PLCZ1: variants seen among roughly 807,000 people sequenced by gnomAD.
The protein encoded by PLCZ1 is 1-phosphatidylinositol 4,5-bisphosphate phosphodiesterase zeta-1.
Under a neutral mutation model 76.8 loss-of-function variants are expected in PLCZ1, and 64 were observed. The ratio of observed to expected loss-of-function variants is 0.83; its 90% CI spans 0.68 to 1.03. PLCZ1 has a LOEUF of 1.03. Ranked by LOEUF, PLCZ1 falls within the 50% of genes least tolerant of loss-of-function variation. The pLI is 0.00. For missense variants in PLCZ1, 751 were observed against 713.7 expected (o/e 1.05, Z -0.60); for synonymous variants, 248 against 230.8 (o/e 1.07, Z -0.68).
chr12:18,683,236 C>G lies in PLCZ1; in HGVS notation c.*3G>C. ...CTAATGATATGTCATTTATCATTAG[C>G]TGTTATCTGACGTACCAAACATAAA... On this transcript the variant is annotated 3_prime_UTR_variant, in exon 15 of 15. Coordinates refer to ENST00000266505, the MANE Select transcript of PLCZ1 (RefSeq NM_033123.4). 6.2e-7 allele frequency: 1 copy of G among 1,611,180 alleles called. No homozygotes were observed. The highest frequency in any genetic ancestry group is 1.1e-5 in the South Asian group (1 of 91,030).
At chr12:18,652,996 C>A in the PLCZ1 span, among the ~76,000 whole-genome samples, 1 of 152,004 alleles carries the variant, frequency 6.6e-6, no homozygotes, top group Admixed American at 6.6e-5. Context: ...GAGCTGGAAT[C>A]TTTGGACACA....
chr12:18,718,605 G>A (rs1475540378), intron 5 of PLCZ1, among the ~76,000 whole-genome samples: 1 of 151,854 alleles, frequency 6.6e-6, no homozygotes, highest in Non-Finnish European at 1.5e-5. Context: ...TGTTTCTAAG[G>A]CTTCCTGTAT....
intron 6 of PLCZ1, among the ~76,000 whole-genome samples, chr12:18,711,529 T>TATAATAATA (rs71440375): frequency 0.025 from 3,546 of 142,424 alleles, 48 homozygotes; most frequent in South Asian, 0.031. Flanking sequence ...AAACTTAAAG[T>TATAATAATA]ATAATAATAA....
chr12:18,683,726 C>T, intron 14 of PLCZ1: 1 of 881,792 alleles, frequency 1.1e-6, no homozygotes, highest in Non-Finnish European at 1.6e-6. Context: ...GTAGTCAGCC[C>T]TGAAAAGGGG....
downstream of PLCZ1, among the ~76,000 whole-genome samples, chr12:18,681,910 T>C (rs1952452694): frequency 6.6e-6 from 1 of 152,012 alleles, no homozygotes; most frequent in African/African-American, 2.4e-5. Context: ...TTTCATGGAA[T>C]TCCAGATCTT....
intron 3 of PLCZ1, among the ~76,000 whole-genome samples, chr12:18,727,958 T>C (rs1276467904): frequency 6.6e-6 from 1 of 152,062 alleles, no homozygotes; most frequent in Non-Finnish European, 1.5e-5. Context: ...CCTAAAAAGA[T>C]AGGGTCAGAA....
intron 5 of PLCZ1, among the ~76,000 whole-genome samples, chr12:18,716,267 G>C (rs1042179551): frequency 2.6e-5 from 4 of 151,942 alleles, no homozygotes; most frequent in Admixed American, 6.6e-5. Flanking sequence ...AAACCACCAA[G>C]AACTATATTG....
At chr12:18,658,510 G>T in the PLCZ1 span, among the ~76,000 whole-genome samples, 2 of 151,982 alleles carry the variant, frequency 1.3e-5, no homozygotes, top group African/African-American at 4.8e-5. Context: ...AGACCATGGA[G>T]GCCAGACATA....
At chr12:18,650,664 A>ATG in the PLCZ1 span, among the ~76,000 whole-genome samples, 2,889 of 35,372 alleles carry the variant, frequency 0.082, 92 homozygotes, top group Non-Finnish European at 0.13. Flanking sequence ...TGGAATATAA[A>ATG]TGTGTGTGTG....
chr12:18,714,882 C>T (rs928057876), intron 5 of PLCZ1: 4 of 151,826 alleles, frequency 2.6e-5, no homozygotes, highest in African/African-American at 9.7e-5. Context: ...TTTGAGAAAC[C>T]CTGCTGTAAG....
chr12:18,730,056 G>A (rs1344380145), intron 3 of PLCZ1, among the ~76,000 whole-genome samples: 1 of 152,090 alleles, frequency 6.6e-6, no homozygotes, highest in Non-Finnish European at 1.5e-5. Flanking sequence ...ACAATCATGT[G>A]AGATAGCTAT....
At chr12:18,709,893 T>C (rs1256369302) in intron 6 of PLCZ1, among the ~76,000 whole-genome samples, 2 of 152,138 alleles carry the variant, frequency 1.3e-5, no homozygotes, top group African/African-American at 4.8e-5. Context: ...GTTAAATTTA[T>C]TCCTAGATAT....
the PLCZ1 span, among the ~76,000 whole-genome samples, chr12:18,646,899 C>T: frequency 6.6e-6 from 1 of 151,402 alleles, no homozygotes; most frequent in Non-Finnish European, 1.5e-5. Context: ...GACAGCTGAC[C>T]AGATTCCTTT....
At chr12:18,651,457 A>T in the PLCZ1 span, among the ~76,000 whole-genome samples, 3 of 152,136 alleles carry the variant, frequency 2.0e-5, no homozygotes, top group African/African-American at 4.8e-5. Context: ...CTTATTATTT[A>T]TGCTTTGTCT....
the PLCZ1 span, among the ~76,000 whole-genome samples, chr12:18,650,664 A>ATATGTGTGTGTGTG: frequency 2.2e-4 from 8 of 35,606 alleles, no homozygotes; most frequent in Admixed American, 3.8e-4. Flanking sequence ...TGGAATATAA[A>ATATGTGTGTGTGTG]TGTGTGTGTG....
intron 12 of PLCZ1, among the ~76,000 whole-genome samples, chr12:18,691,446 T>C (rs1954070935): frequency 6.6e-6 from 1 of 152,138 alleles, no homozygotes; most frequent in Admixed American, 6.5e-5. Flanking sequence ...AATGTTTATG[T>C]AACAGAATCC....
At chr12:18,737,646 G>A (rs1262376988) in intron 1 of PLCZ1, 137 bp from the exon 2 acceptor site, 16 of 559,628 alleles carry the variant, frequency 2.9e-5, no homozygotes, top group South Asian at 6.2e-5. Flanking sequence ...GGCTTCTTAC[G>A]TTCTGACCAC....
intron 7 of PLCZ1, 69 bp downstream of exon 7, chr12:18,705,097 G>A (rs1291452557): frequency 3.2e-6 from 5 of 1,563,764 alleles, no homozygotes; most frequent in Non-Finnish European, 4.4e-6. Context: ...AGTTTCACAG[G>A]CCAATATAAC....
intron 3 of PLCZ1, among the ~76,000 whole-genome samples, chr12:18,726,301 A>G (rs905743018): frequency 4.6e-5 from 7 of 152,170 alleles, no homozygotes; most frequent in African/African-American, 1.7e-4. Context: ...ACATAAAATA[A>G]GAGTAATAAA....
Sources: allele counts gnomAD v4.1 joint callset (sites outside exome capture counted in the v4.1 genomes callset), GRCh38; gene constraint gnomAD v4.1.1; transcripts MANE v1.5; gene names NCBI Gene and HGNC (gene_info 2026-07-23, HGNC 2026-07-21).